Variants in STXBP5L observed in about 807,000 individuals in gnomAD.
The protein encoded by STXBP5L is syntaxin binding protein 5L.
In STXBP5L, 65 loss-of-function variants were observed where a neutral mutation model predicts 144.5. The observed-to-expected ratio is 0.45, with a 90% CI of 0.37 to 0.55. The LOEUF (loss-of-function observed/expected upper bound fraction) is 0.55. STXBP5L is among the 20% of genes least tolerant of loss of function. STXBP5L has a pLI of 0.00. For missense variants in STXBP5L, 1,298 were observed against 1,405.5 expected (o/e 0.92, Z 1.22); for synonymous variants, 505 against 469.6 (o/e 1.08, Z -0.97).
At chr3:121,114,046 T>G (rs1219752810) in intron 5 of STXBP5L, among the ~76,000 whole-genome samples, 3 of 152,138 alleles carry the variant, frequency 2.0e-5, no homozygotes, top group Non-Finnish European at 4.4e-5. Context: ...TTTGAAAAAT[T>G]TATTGGTCTG....
At position 121,045,227 on chromosome 3, in the gene STXBP5L, G is replaced by T. The variant is rs564081960; in HGVS notation, c.370-208G>T. On this transcript the variant is annotated intron_variant, in intron 4 of 26. Transcript: ENST00000471454. ...ATTCCTTAAGCTAGTCTCCCTGACC[G>T]TTGAAATGCAGTGGGTCAGTTGCCT... Among the ~76,000 whole-genome samples, 45 of 152,108 alleles carry T rather than the reference G, an allele frequency of 3.0e-4. No individual in the cohort carries two copies. In the South Asian group the frequency reaches 4.6e-3, roughly 15 times the overall value.
intron 3 of STXBP5L, among the ~76,000 whole-genome samples, chr3:120,959,587 A>C (rs943842829): frequency 6.6e-6 from 1 of 152,212 alleles, no homozygotes; most frequent in Admixed American, 6.5e-5. Context: ...GAGGCCTCAG[A>C]AATAATGCCA....
intron 5 of STXBP5L, among the ~76,000 whole-genome samples, chr3:121,047,514 C>T (rs773742869): frequency 8.5e-5 from 13 of 152,184 alleles, no homozygotes; most frequent in South Asian, 6.2e-4. Context: ...TCTAAGAACT[C>T]GCTTTATGAA....
At chr3:121,250,861 AT>A in intron 15 of STXBP5L, 98 bp downstream of exon 15, 1 of 1,043,684 alleles carries the variant, frequency 9.6e-7, no homozygotes, top group Non-Finnish European at 1.4e-6. Context: ...TTTCAGATAT[AT>A]TTTTAGCACA....
intron 7 of STXBP5L, among the ~76,000 whole-genome samples, chr3:121,124,551 A>G (rs988330573): frequency 6.6e-6 from 1 of 151,954 alleles, no homozygotes; most frequent in Admixed American, 6.6e-5. Flanking sequence ...TGCTCTTGTG[A>G]CTTGTGACTT....
intron 20 of STXBP5L, among the ~76,000 whole-genome samples, chr3:121,319,857 C>G (rs1047287305): frequency 3.3e-5 from 5 of 152,148 alleles, no homozygotes; most frequent in African/African-American, 1.2e-4. Flanking sequence ...TGGCTCATGC[C>G]TGTAATCCCA....
intron 5 of STXBP5L, among the ~76,000 whole-genome samples, chr3:121,063,059 A>T (rs1333516232): frequency 1.3e-5 from 2 of 152,090 alleles, no homozygotes; most frequent in East Asian, 3.9e-4. Context: ...GCTGGTGAGG[A>T]GTTGTGATCC....
intron 9 of STXBP5L, among the ~76,000 whole-genome samples, chr3:121,181,170 G>A (rs2047136315): frequency 6.8e-6 from 1 of 147,724 alleles, no homozygotes; most frequent in East Asian, 2.1e-4. Context: ...AGGGGGAGGG[G>A]AGGGGAGAGG....
chr3:121,351,038 G>A (rs1464907256), intron 20 of STXBP5L, among the ~76,000 whole-genome samples: 3 of 150,380 alleles, frequency 2.0e-5, no homozygotes, highest in Non-Finnish European at 4.4e-5. Flanking sequence ...AGGCGCTCTG[G>A]TTTTTAGAAT....
At chr3:121,134,056 A>G (rs1480933724) in intron 7 of STXBP5L, among the ~76,000 whole-genome samples, 4 of 152,180 alleles carry the variant, frequency 2.6e-5, no homozygotes, top group Non-Finnish European at 4.4e-5. Flanking sequence ...TTTTCTGTTG[A>G]TTGTAATAGA....
intron 20 of STXBP5L, among the ~76,000 whole-genome samples, chr3:121,343,433 A>G (rs2044813710): frequency 6.6e-6 from 1 of 152,148 alleles, no homozygotes; most frequent in Non-Finnish European, 1.5e-5. Context: ...AAGGTTATTC[A>G]TTTCGGAAAA....
At chr3:121,295,832 T>C (rs535389887) in intron 19 of STXBP5L, among the ~76,000 whole-genome samples, 1 of 152,314 alleles carries the variant, frequency 6.6e-6, no homozygotes, top group African/African-American at 2.4e-5. Context: ...AACACAATTG[T>C]AAATAATAAT....
At chr3:121,092,408 G>A (rs929636609) in intron 5 of STXBP5L, among the ~76,000 whole-genome samples, 15 of 152,110 alleles carry the variant, frequency 9.9e-5, no homozygotes, top group African/African-American at 3.6e-4. Flanking sequence ...CATGAGCATG[G>A]AATGTTCTTC....
At chr3:121,235,076 C>T (rs2049432757) in intron 12 of STXBP5L, among the ~76,000 whole-genome samples, 1 of 151,674 alleles carries the variant, frequency 6.6e-6, no homozygotes, top group Admixed American at 6.6e-5. Flanking sequence ...TGTATACATA[C>T]ATTCTTGTGC....
At chr3:121,051,480 A>G (rs564107601) in intron 5 of STXBP5L, among the ~76,000 whole-genome samples, 16 of 152,348 alleles carry the variant, frequency 1.1e-4, no homozygotes, top group Admixed American at 5.2e-4. Flanking sequence ...CTGCTCCTGA[A>G]TGACTACTGG....
At chr3:121,300,996 G>T (rs1323767033) in intron 19 of STXBP5L, among the ~76,000 whole-genome samples, 1 of 152,166 alleles carries the variant, frequency 6.6e-6, no homozygotes, top group Non-Finnish European at 1.5e-5. Context: ...CTCCAGCTTT[G>T]TTCTTTCGGC....
intron 20 of STXBP5L, among the ~76,000 whole-genome samples, chr3:121,330,251 C>T (rs978303814): frequency 6.6e-6 from 1 of 152,184 alleles, no homozygotes; most frequent in Admixed American, 6.6e-5. Context: ...TGAAACCTGC[C>T]TTGCCAAGTA....
At chr3:120,959,675 A>C (rs1938513893) in intron 3 of STXBP5L, among the ~76,000 whole-genome samples, 1 of 152,164 alleles carries the variant, frequency 6.6e-6, no homozygotes, top group South Asian at 2.1e-4. Context: ...TTTATAAATG[A>C]TGCTGGTGGG....
intron 15 of STXBP5L, 41 bp from the exon 16 acceptor site, chr3:121,254,854 A>C: frequency 6.8e-7 from 1 of 1,472,858 alleles, no homozygotes; most frequent in Non-Finnish European, 9.2e-7. Flanking sequence ...TCTAAGAATT[A>C]AGTTTAAATT....
Sources: gnomAD v4.1 joint callset for allele counts (sites outside exome capture counted in the v4.1 genomes callset) on GRCh38, gnomAD v4.1.1 for gene constraint, MANE v1.5 for transcripts, NCBI Gene and HGNC (gene_info 2026-07-23, HGNC 2026-07-21) for gene names.